PDE4A: variants seen among roughly 807,000 people sequenced by gnomAD.
The protein encoded by PDE4A is phosphodiesterase 4A, also known as 3',5'-cyclic-AMP phosphodiesterase 4A.
Under a neutral mutation model 73.9 loss-of-function variants are expected in PDE4A, and 21 were observed. The observed-to-expected ratio is 0.28, with a 90% CI of 0.20 to 0.41. The LOEUF (loss-of-function observed/expected upper bound fraction) is 0.41, where lower values mean the gene tolerates loss of function less well. Ranked by LOEUF, PDE4A falls within the 10% of genes least tolerant of loss-of-function variation. The pLI, the probability that PDE4A is intolerant of heterozygous loss-of-function variation, is 1.00. For missense variants in PDE4A, 958 were observed against 1,211.4 expected, an observed-to-expected ratio of 0.79 and a Z score of 3.10; for synonymous variants, 463 against 505.4, an observed-to-expected ratio of 0.92 and a Z score of 1.13.
At chr19:10,434,141 GTTTC>G (rs926667298) in intron 1 of PDE4A, among the ~76,000 whole-genome samples, 31 of 149,106 alleles carry the variant, frequency 2.1e-4, no homozygotes, top group East Asian at 5.8e-4. Context: ...ATGTGCCTCA[GTTTC>G]TTTCTTTCTT....
At chr19:10,439,806 A>C (rs2042912417) in intron 1 of PDE4A, among the ~76,000 whole-genome samples, 1 of 151,958 alleles carries the variant, frequency 6.6e-6, no homozygotes, top group Non-Finnish European at 1.5e-5. Context: ...CAACTGGGAA[A>C]CAGGACACGG....
chr19:10,424,879 G>A lies in PDE4A; in HGVS notation c.320+3795G>A, dbSNP rs1317351199. The stretch of plus-strand genomic sequence containing the variant: ...CTGCGCTTCCTGCCCGGGAAACAGA[G>A]ACCATGGGACTTGCCCAAGGTCACA... On this transcript the variant is annotated intron_variant, in intron 1 of 14. Coordinates refer to ENST00000380702, the MANE Select transcript of PDE4A (RefSeq NM_001111307.2). This position sits in a 1 kb window ranked among gnomAD's most constrained non-coding sequence, Gnocchi z 4.8. 6.6e-6 allele frequency among the ~76,000 whole-genome samples: 1 copy of A among 152,218 alleles called. No individual in the cohort carries two copies. Among genetic ancestry groups the A allele is most frequent in the African/African-American group, 2.4e-5 (1 of 41,466 alleles).
At chr19:10,448,804 C>T in intron 2 of PDE4A, 113 bp from the exon 3 acceptor site, 2 of 1,552,006 alleles carry the variant, frequency 1.3e-6, no homozygotes, top group Non-Finnish European at 1.7e-6. Context: ...TCCCTAGGTC[C>T]CACAGAGTCC....
Position 10,453,612 on chromosome 19 carries a change from C to T in PDE4A, c.784-1217C>T, listed in dbSNP as rs1384841680. On this transcript the variant is annotated intron_variant, in intron 6 of 14. Transcript: ENST00000380702. This position sits in a 1 kb window ranked among gnomAD's most constrained non-coding sequence, Gnocchi z 4.6. ...TCTGCCTGAGTATAGGCTTGTTTGC[C>T]TGGGTCACTGTGTGGCCCTGTCTGA... 6.6e-6 allele frequency among the ~76,000 whole-genome samples: 1 copy of T among 152,024 alleles called. No individual in the cohort carries two copies. The highest frequency in any genetic ancestry group is 2.4e-5 in the African/African-American group (1 of 41,368).
chr19:10,450,810 C>A lies in PDE4A; in HGVS notation c.671-19C>A. 1 of 1,595,232 alleles carries A rather than the reference C, an allele frequency of 6.3e-7. No individual in the cohort carries two copies. The highest frequency in any genetic ancestry group is 2.3e-5 in the East Asian group (1 of 44,030). ...CCTACAGACCTTCTCAGTCACTACC[C>A]TGGCTGCCCCTTCCTTAGAAGAAAC... On this transcript the variant is annotated intron_variant, in intron 5 of 14. Coordinates refer to ENST00000380702, the MANE Select transcript of PDE4A (RefSeq NM_001111307.2).
chr19:10,462,822 A>G (rs1464063935), intron 13 of PDE4A, among the ~76,000 whole-genome samples: 1 of 147,930 alleles, frequency 6.8e-6, no homozygotes, highest in Non-Finnish European at 1.5e-5. Flanking sequence ...TCTCCCACAC[A>G]CCTCTCCCCG....
In PDE4A at chr19:10,453,217, A is replaced by C. The variant is rs941150300; in HGVS notation, c.784-1612A>C. 2.5e-6 allele frequency: 4 copies of C among 1,580,008 alleles called. No homozygotes were observed. The highest frequency in any genetic ancestry group is 1.8e-5 in the Admixed American group (1 of 55,600). On this transcript the variant is annotated intron_variant, in intron 6 of 14. Transcript: ENST00000380702. The surrounding 1 kb of genome is among the most constrained non-coding windows in gnomAD (Gnocchi z 4.6). Reference sequence around the variant, plus strand: ...TGGTTGTTAACCCCGGGACTCCCCAAGCCCAGCCTCTGTGTGCAGCAGCCC... The same window carrying C: ...TGGTTGTTAACCCCGGGACTCCCCACGCCCAGCCTCTGTGTGCAGCAGCCC...
Position 10,448,920 on chromosome 19 carries a change from C to G in PDE4A, c.516C>G (p.His172Gln). The G allele has an allele frequency of 1.2e-6, 2 of 1,613,928 alleles. No individual in the cohort carries two copies. Among genetic ancestry groups the G allele is most frequent in the Non-Finnish European group, 1.7e-6 (2 of 1,179,872 alleles). ...SRNSSVTSEAHAEDLIVTPFA... is the reference protein window; with the variant it reads ...SRNSSVTSEAQAEDLIVTPFA... ...CTGCCTCTGTCCTCAATCACAGGCA[C>G]GCTGAAGACCTCATCGTAACACCAT... The change falls in exon 3 of 15, where the codon CAC (histidine) becomes CAG (glutamine). Residue 172 changes from histidine to glutamine, a missense_variant. By Grantham distance (24) the His-to-Gln change is conservative (BLOSUM62 0). Coordinates refer to ENST00000380702, the MANE Select transcript of PDE4A (RefSeq NM_001111307.2).
chr19:10,425,228 A>AAT (rs2042702583), intron 1 of PDE4A, among the ~76,000 whole-genome samples: 1 of 151,562 alleles, frequency 6.6e-6, no homozygotes, highest in African/African-American at 2.4e-5. Context: ...GTCTCAAAAA[A>AAT]AAAAACAAAA....
intron 1 of PDE4A, among the ~76,000 whole-genome samples, chr19:10,442,120 G>C (rs75206631): frequency 0.034 from 5,185 of 152,224 alleles, 228 homozygotes; most frequent in African/African-American, 0.1. Flanking sequence ...TATGCTCTGA[G>C]TGGGTGCAAG....
At chr19:10,436,803 G>A (rs894409884) in intron 1 of PDE4A, among the ~76,000 whole-genome samples, 2 of 152,174 alleles carry the variant, frequency 1.3e-5, no homozygotes, top group Admixed American at 1.3e-4. Context: ...ACACTGGGAG[G>A]CTGAGGCGGG....
chr19:10,431,055 G>A (rs1284123540), intron 1 of PDE4A: 2 of 1,575,264 alleles, frequency 1.3e-6, no homozygotes, highest in South Asian at 2.3e-5. Context: ...CAGCTGCCAG[G>A]ATTTGGGCCG....
At chr19:10,434,590 TG>T (rs1179284988) in intron 1 of PDE4A, among the ~76,000 whole-genome samples, 2 of 151,238 alleles carry the variant, frequency 1.3e-5, no homozygotes, top group Non-Finnish European at 2.9e-5. Flanking sequence ...CACATAAGTT[TG>T]TTTTTTTTTT....
At chr19:10,447,807 C>T (rs2043031170) in intron 2 of PDE4A, among the ~76,000 whole-genome samples, 1 of 152,140 alleles carries the variant, frequency 6.6e-6, no homozygotes, top group South Asian at 2.1e-4. Flanking sequence ...TATCGTGACA[C>T]TTGTTGAGGT....
chr19:10,421,036 A>ATGGCAC lies in PDE4A; in HGVS notation c.279_284dup (p.Thr95_Gly96dup). On this transcript the variant is annotated inframe_insertion, in exon 1 of 15. Coordinates refer to ENST00000380702, the MANE Select transcript of PDE4A (RefSeq NM_001111307.2). The stretch of plus-strand genomic sequence containing the variant: ...CGCATGTCCTGGCCCTCGTCCTTCC[A>ATGGCAC]TGGCACTGGCACCGGCAGCGGCGGC... 7.0e-7 allele frequency: 1 copy of ATGGCAC among 1,431,902 alleles called. No individual in the cohort carries two copies. Among genetic ancestry groups the ATGGCAC allele is most frequent in the Non-Finnish European group, 9.1e-7 (1 of 1,102,718 alleles). The allele number at this position is 1,431,902 out of a possible 1,614,324, so 88.7% of individuals were successfully genotyped here. A position where few individuals can be genotyped will look rare whatever the true frequency, so the allele number is the denominator to read the frequency against.
rs373634594 is a variant in PDE4A, at chr19:10,467,594, C to T, written c.2634C>T (p.Gly878=). 3.8e-6 allele frequency: 6 copies of T among 1,584,498 alleles called. No individual in the cohort carries two copies. Among genetic ancestry groups the T allele is most frequent in the East Asian group, 4.5e-5 (2 of 44,438 alleles). ...CATCCGCACTCCCAGCTCCTGGTGG[C>T]GGGGGGTCAGGTGGAGACCCTACCT... is the stretch of plus-strand genomic sequence containing the variant. ...EDTSALPAPG[G]GGSGGDPT The change falls in exon 15 of 15, where the codon GGC becomes GGT. Residue 878 remains glycine (G), a synonymous_variant. Transcript: ENST00000380702.
upstream of PDE4A, chr19:10,419,080 T>TC: frequency 1.0e-6 from 1 of 963,512 alleles, no homozygotes; most frequent in Non-Finnish European, 1.2e-6. Flanking sequence ...TTTTTTTTTT[T>TC]CAAATAAGGA....
At chr19:10,460,861 G>A in intron 10 of PDE4A, 143 bp from the exon 11 acceptor site, 1 of 702,832 alleles carries the variant, frequency 1.4e-6, no homozygotes. Context: ...TGTTGCCCAG[G>A]ATGGCCTCGA....
At chr19:10,439,726 G>A (rs2042911565) in intron 1 of PDE4A, among the ~76,000 whole-genome samples, 1 of 152,128 alleles carries the variant, frequency 6.6e-6, no homozygotes, top group South Asian at 2.1e-4. Flanking sequence ...GGTGGATGGA[G>A]GTAGGAGTGC....
Sources: gnomAD v4.1 joint callset for allele counts (sites outside exome capture counted in the v4.1 genomes callset) on GRCh38, gnomAD v4.1.1 for gene constraint, Gnocchi (gnomAD v3.1) non-coding constraint, MANE v1.5 for transcripts, NCBI Gene and HGNC (gene_info 2026-07-23, HGNC 2026-07-21) for gene names.